Variants in TRPM3 observed in about 807,000 individuals in gnomAD.
TRPM3 encodes the protein transient receptor potential cation channel subfamily M member 3, also known as long transient receptor potential channel 3.
In TRPM3, 77 loss-of-function variants were observed where a neutral mutation model predicts 181.2. The ratio of observed to expected loss-of-function variants is 0.42; its 90% CI spans 0.35 to 0.51. The LOEUF (loss-of-function observed/expected upper bound fraction) is 0.51, where lower values mean the gene tolerates loss of function less well. Ranked by LOEUF, TRPM3 falls within the 20% of genes least tolerant of loss-of-function variation. The pLI, the probability that TRPM3 is intolerant of heterozygous loss-of-function variation, is 0.01. For synonymous variants in TRPM3, 745 were observed against 796.4 expected, an observed-to-expected ratio of 0.94 and a Z score of 1.09; for missense variants, 1,759 against 2,196.7, an observed-to-expected ratio of 0.80 and a Z score of 3.98.
intron 1 of TRPM3, among the ~76,000 whole-genome samples, chr9:71,041,852 C>T (rs1461320991): frequency 6.6e-6 from 1 of 152,190 alleles, no homozygotes; most frequent in Non-Finnish European, 1.5e-5. Flanking sequence ...TTACCCTGGA[C>T]AGGCCAGTCT....
intron 8 of TRPM3, among the ~76,000 whole-genome samples, chr9:70,688,545 G>A (rs1326920919): frequency 6.6e-5 from 10 of 152,028 alleles, no homozygotes; most frequent in Admixed American, 6.6e-4. Flanking sequence ...TACCAGACTT[G>A]GTTTTCCATC....
chr9:71,031,965 AT>A (rs1565020921), intron 1 of TRPM3, among the ~76,000 whole-genome samples: 4 of 588 alleles, frequency 6.8e-3, no homozygotes, highest in Non-Finnish European at 0.014. Context: ...ATAATTATAT[AT>A]ATATATTATA....
intron 6 of TRPM3, among the ~76,000 whole-genome samples, chr9:70,806,038 G>GT (rs1431421131): frequency 3.9e-5 from 6 of 152,272 alleles, no homozygotes; most frequent in South Asian, 2.1e-4. Context: ...AGGCACACCT[G>GT]TTTTTTCACC....
intron 8 of TRPM3, among the ~76,000 whole-genome samples, chr9:70,692,369 G>C (rs2068854683): frequency 6.6e-6 from 1 of 152,148 alleles, no homozygotes; most frequent in Non-Finnish European, 1.5e-5. Context: ...TTAGCATTTA[G>C]TTTTAAAAAT....
intron 1 of TRPM3, among the ~76,000 whole-genome samples, chr9:71,337,874 T>C (rs999470859): frequency 4.6e-5 from 7 of 151,364 alleles, no homozygotes; most frequent in Admixed American, 2.6e-4. Flanking sequence ...TAAGTGGGAG[T>C]TGAACAATGA....
chr9:71,330,012 C>T (rs2089997352), intron 1 of TRPM3, among the ~76,000 whole-genome samples: 1 of 147,752 alleles, frequency 6.8e-6, no homozygotes, highest in Admixed American at 6.7e-5. Context: ...AAAAAAGAAC[C>T]CAAATTTAGA....
At chr9:70,793,469 A>AAAAATAT (rs1491522415) in intron 6 of TRPM3, 1 of 123,220 alleles carries the variant, frequency 8.1e-6, no homozygotes, top group African/African-American at 3.0e-5. Context: ...AAAAAAAAAA[A>AAAAATAT]ATATATATAT....
intron 1 of TRPM3, among the ~76,000 whole-genome samples, chr9:70,934,025 C>A (rs1389758017): frequency 2.0e-5 from 3 of 152,030 alleles, no homozygotes; most frequent in Non-Finnish European, 4.4e-5. Context: ...GAATTGGTGA[C>A]CTCACCTAGA....
intron 1 of TRPM3, among the ~76,000 whole-genome samples, chr9:71,280,645 C>T (rs1344147744): frequency 6.6e-6 from 1 of 152,150 alleles, no homozygotes; most frequent in Middle Eastern, 3.2e-3. Context: ...TTCAGACCAC[C>T]CTGTATTCCA....
chr9:71,235,929 C>T (rs1385838489), intron 1 of TRPM3, among the ~76,000 whole-genome samples: 1 of 152,144 alleles, frequency 6.6e-6, no homozygotes, highest in African/African-American at 2.4e-5. Context: ...TGCCTAGGAT[C>T]GAGCTTACAA....
Position 71,379,287 on chromosome 9 carries a change from G to T in TRPM3, c.183+67366C>A, listed in dbSNP as rs573768739. ...ATAAAATGTTGAAGAGCATTACTTG[G>T]AACCATACTTTAAATCATATCAACT... On this transcript the variant is annotated intron_variant, in intron 1 of 24. Coordinates refer to the TRPM3 transcript ENST00000357533. Among the ~76,000 whole-genome samples the T allele has an allele frequency of 2.6e-5, 4 of 152,144 alleles. No homozygotes were observed. The South Asian group carries it at 8.3e-4, about 32-fold the overall frequency.
chr9:71,399,341 G>A (rs1454871028), intron 1 of TRPM3, among the ~76,000 whole-genome samples: 1 of 152,010 alleles, frequency 6.6e-6, no homozygotes, highest in Non-Finnish European at 1.5e-5. Flanking sequence ...GCTTTATGAA[G>A]TTCTAAGTAG....
rs2097207169 is a variant in TRPM3, at chr9:70,968,475, T to C, written c.178-103964A>G. ...GTCCCTGGAGTCTTACTCCACCAGC[T>C]TGTATGAATCTGAGAGCCCCTCTTA... On this transcript the variant is annotated intron_variant, in intron 1 of 25. Transcript: ENST00000677713. 2.0e-5 allele frequency among the ~76,000 whole-genome samples: 3 copies of C among 152,170 alleles called. No individual in the cohort carries two copies. In the South Asian group the frequency reaches 6.2e-4, roughly 31 times the overall value.
chr9:70,556,727 C>CAAA (rs1156584992), intron 22 of TRPM3, among the ~76,000 whole-genome samples: 1 of 152,058 alleles, frequency 6.6e-6, no homozygotes, highest in Non-Finnish European at 1.5e-5. Flanking sequence ...GTCTCAAAAA[C>CAAA]AAAAACCCCC....
intron 1 of TRPM3, among the ~76,000 whole-genome samples, chr9:71,147,361 T>C (rs1420337913): frequency 1.3e-5 from 2 of 150,120 alleles, no homozygotes; most frequent in Non-Finnish European, 3.0e-5. Flanking sequence ...CTTTAAGGAG[T>C]TCACCATTTA....
chr9:70,664,213 T>C (rs1467871494), intron 9 of TRPM3, among the ~76,000 whole-genome samples: 2 of 152,196 alleles, frequency 1.3e-5, no homozygotes, highest in East Asian at 1.9e-4. Flanking sequence ...TGAGAATATT[T>C]AGGTATCATT....
intron 12 of TRPM3, among the ~76,000 whole-genome samples, chr9:70,628,224 G>A (rs1222952008): frequency 6.6e-6 from 1 of 152,176 alleles, no homozygotes; most frequent in African/African-American, 2.4e-5. Context: ...CATAGCCACA[G>A]GGCTCCTATG....
intron 22 of TRPM3, among the ~76,000 whole-genome samples, chr9:70,573,510 C>T (rs1276838101): frequency 2.0e-5 from 3 of 152,124 alleles, no homozygotes. Flanking sequence ...TGGGAGTGTC[C>T]TGTGCACTGC....
intron 8 of TRPM3, among the ~76,000 whole-genome samples, chr9:70,756,310 C>T (rs1012501645): frequency 1.3e-5 from 2 of 151,900 alleles, no homozygotes; most frequent in Non-Finnish European, 1.5e-5. Context: ...AATATATATG[C>T]ACCCAATACA....
Sources: allele counts gnomAD v4.1 joint callset (sites outside exome capture counted in the v4.1 genomes callset), GRCh38; gene constraint gnomAD v4.1.1; transcripts MANE v1.5; gene names NCBI Gene and HGNC (gene_info 2026-07-23, HGNC 2026-07-21).